The following TRARG1 variants were observed in gnomAD, a reference collection of about 807,000 sequenced individuals.
The protein encoded by TRARG1 is trafficking regulator of GLUT4 1.
A neutral mutation model predicts 13.3 loss-of-function variants in TRARG1; 16 were observed. The observed-to-expected ratio is 1.20, with a 90% CI of 0.81 to 1.83. The LOEUF is 1.83. Ranked by LOEUF, TRARG1 falls within the 40% of genes most tolerant of loss-of-function variation. The pLI, the probability that TRARG1 is intolerant of heterozygous loss-of-function variation, is 0.00. For missense variants in TRARG1, 250 were observed against 237.4 expected, an observed-to-expected ratio of 1.05 and a Z score of -0.35; for synonymous variants, 113 against 106.2, an observed-to-expected ratio of 1.06 and a Z score of -0.39.
intron 1 of TRARG1, 98 bp downstream of exon 1, chr17:1,280,486 A>T (rs2071965685): frequency 3.1e-5 from 41 of 1,301,730 alleles, no homozygotes; most frequent in Non-Finnish European, 4.2e-5. Flanking sequence ...GGTGTGGAGA[A>T]GAGAGAGCTG....
At chr17:1,283,492 T>A (rs2071998324) in intron 1 of TRARG1, among the ~76,000 whole-genome samples, 1 of 152,142 alleles carries the variant, frequency 6.6e-6, no homozygotes, top group Non-Finnish European at 1.5e-5. Context: ...ATTTGGAACA[T>A]TTGCCTCATC....
intron 1 of TRARG1, among the ~76,000 whole-genome samples, chr17:1,289,486 G>A (rs1344774551): frequency 6.9e-6 from 1 of 144,232 alleles, no homozygotes; most frequent in Non-Finnish European, 1.5e-5. Context: ...CCAAGGGTAA[G>A]CATGACCAGC....
At chr17:1,287,502 A>C (rs12449725) in intron 1 of TRARG1, among the ~76,000 whole-genome samples, 48 of 151,670 alleles carry the variant, frequency 3.2e-4, no homozygotes, top group African/African-American at 1.1e-3. Context: ...CTGGGACTAC[A>C]GGGGCCCACT....
intron 1 of TRARG1, 77 bp downstream of exon 1, chr17:1,280,465 A>C: frequency 1.4e-6 from 2 of 1,407,878 alleles, no homozygotes; most frequent in Non-Finnish European, 1.9e-6. Flanking sequence ...CAGGCACCAA[A>C]CACTGCCCAG....
rs373380565 is a variant in TRARG1 at position 1,300,752 on chromosome 17, G to A, written c.*2488G>A. ...CCTGGACGGAGGGTCCCCACAGCCC[G>A]TGCCCCACGCCGCCTGGAGGCCAGA... On this transcript the variant is annotated 3_prime_UTR_variant, in exon 3 of 3. Coordinates refer to ENST00000333813, the MANE Select transcript of TRARG1 (RefSeq NM_172367.3). 1.1e-3 allele frequency: 163 copies of A among 152,540 alleles called. 1 individual carries two copies. The highest frequency in any genetic ancestry group is 1.6e-3 in the Non-Finnish European group (107 of 68,196). 9.4% of individuals were successfully genotyped at this position (152,540 alleles called of 1,614,324 possible). A position where few individuals can be genotyped will look rare whatever the true frequency, so the allele number is the denominator to read the frequency against.
At chr17:1,288,118 C>T (rs1289340068) in intron 1 of TRARG1, among the ~76,000 whole-genome samples, 5 of 151,984 alleles carry the variant, frequency 3.3e-5, no homozygotes, top group African/African-American at 7.3e-5. Context: ...CTTCCTCTCC[C>T]GTCTGGAAGA....
At chr17:1,297,107 T>C (rs1264492874) in intron 2 of TRARG1, among the ~76,000 whole-genome samples, 1 of 152,162 alleles carries the variant, frequency 6.6e-6, no homozygotes, top group Non-Finnish European at 1.5e-5. Flanking sequence ...CAATGAACCC[T>C]AAGCTTTTCC....
chr17:1,289,851 C>T (rs1041283698), intron 1 of TRARG1, among the ~76,000 whole-genome samples: 8 of 152,132 alleles, frequency 5.3e-5, no homozygotes, highest in African/African-American at 1.2e-4. Flanking sequence ...AAACACTGCA[C>T]GGCCCTCTTC....
intron 1 of TRARG1, among the ~76,000 whole-genome samples, chr17:1,284,486 G>A (rs886211053): frequency 6.6e-6 from 1 of 152,204 alleles, no homozygotes; most frequent in Non-Finnish European, 1.5e-5. Flanking sequence ...GACCCTCGTA[G>A]GAATGCAGGC....
At position 1,279,934 on chromosome 17, in the gene TRARG1, C is replaced by T. The variant is rs1311243523; in HGVS notation, c.-68C>T. On this transcript the variant is annotated 5_prime_UTR_variant, in exon 1 of 3. Transcript: ENST00000333813. The stretch of plus-strand genomic sequence containing the variant: ...GCCCTCAGTCTGGGCTGGGGAATGG[C>T]GCGCTGAGGTCCCTCCAGAGCCCCT... The T allele has an allele frequency of 1.1e-5, 17 of 1,519,520 alleles. No homozygotes were observed. The highest frequency in any genetic ancestry group is 1.4e-5 in the Non-Finnish European group (16 of 1,131,542). The allele number at this position is 1,519,520 out of a possible 1,614,324, so 94.1% of individuals were successfully genotyped here.
chr17:1,295,124 G>A lies in TRARG1; in HGVS notation c.388-367G>A, dbSNP rs184245239. Reference sequence around the variant, plus strand: ...AGAATTGAGGCTTGCGCTGGGGTCCGGGGGCACCTGGCCTGTCTGTTCTTG... The same window carrying A: ...AGAATTGAGGCTTGCGCTGGGGTCCAGGGGCACCTGGCCTGTCTGTTCTTG... On this transcript the variant is annotated intron_variant, in intron 1 of 2. Coordinates refer to ENST00000333813, the MANE Select transcript of TRARG1 (RefSeq NM_172367.3). Among the ~76,000 whole-genome samples the A allele has an allele frequency of 5.9e-5, 9 of 152,286 alleles. No individual in the cohort carries two copies. The East Asian group carries it at 9.7e-4, about 16-fold the overall frequency.
intron 1 of TRARG1, among the ~76,000 whole-genome samples, chr17:1,293,262 C>A (rs1405327745): frequency 8.5e-4 from 111 of 130,574 alleles, no homozygotes; most frequent in Non-Finnish European, 1.4e-3. Context: ...CCAGCCTGGG[C>A]GACAGAGCAA....
intron 1 of TRARG1, among the ~76,000 whole-genome samples, chr17:1,284,743 C>G (rs893063387): frequency 2.0e-5 from 3 of 152,022 alleles, no homozygotes; most frequent in Admixed American, 6.6e-5. Context: ...TGCAGTGGCG[C>G]AATCTCAACT....
intron 1 of TRARG1, among the ~76,000 whole-genome samples, chr17:1,292,864 G>C (rs1373704133): frequency 6.6e-6 from 1 of 152,182 alleles, no homozygotes; most frequent in Non-Finnish European, 1.5e-5. Flanking sequence ...GTGGGCACAG[G>C]AGCCGGGATG....
rs944769941 is a variant in TRARG1 at position 1,298,537 on chromosome 17, C to T, written c.*273C>T. 4.9e-6 allele frequency: 2 copies of T among 409,536 alleles called. No homozygotes were observed. The highest frequency in any genetic ancestry group is 4.1e-5 in the African/African-American group (2 of 49,318). 25.4% of individuals were successfully genotyped at this position (409,536 alleles called of 1,614,324 possible). On this transcript the variant is annotated 3_prime_UTR_variant, in exon 3 of 3. Transcript: ENST00000333813. ...TGGGATCTCAACCCCAGCAGTCTGGCTTGTTTCTCATTCCCACAATTTCCT... is the reference window on the plus strand; with the variant it reads ...TGGGATCTCAACCCCAGCAGTCTGGTTTGTTTCTCATTCCCACAATTTCCT...
At chr17:1,288,380 T>TGGGTTCCCCATCCCCCAC (rs1567930604) in intron 1 of TRARG1, among the ~76,000 whole-genome samples, 8 of 31,992 alleles carry the variant, frequency 2.5e-4, no homozygotes, top group Middle Eastern at 0.028. Flanking sequence ...CCATCCCCCA[T>TGGGTTCCCCATCCCCCAC]GGGCTCCTCA....
chr17:1,282,807 A>T (rs369622413), intron 1 of TRARG1, among the ~76,000 whole-genome samples: 1 of 151,982 alleles, frequency 6.6e-6, no homozygotes, highest in African/African-American at 2.4e-5. Context: ...CTCCTGCCTC[A>T]GCCTCCCAAG....
At chr17:1,280,784 CG>C (rs2071967514) in intron 1 of TRARG1, among the ~76,000 whole-genome samples, 3 of 152,280 alleles carry the variant, frequency 2.0e-5, no homozygotes, top group Admixed American at 2.0e-4. Context: ...GAGGTTGCAC[CG>C]GACGGGGGTC....
Position 1,299,082 on chromosome 17 carries a change from C to A in TRARG1, c.*818C>A, listed in dbSNP as rs1229183050. On this transcript the variant is annotated 3_prime_UTR_variant, in exon 3 of 3. Transcript: ENST00000333813. The stretch of plus-strand genomic sequence containing the variant: ...CTTCTGCTGTAGCCTGGGACCAGAC[C>A]TGGCCAAGGTCAGCCAGCGGGGAGG... The A allele has an allele frequency of 6.6e-6, 1 of 152,388 alleles. No homozygotes were observed. Among genetic ancestry groups the A allele is most frequent in the Admixed American group, 6.5e-5 (1 of 15,292 alleles). The allele number at this position is 152,388 out of a possible 1,614,324, so 9.4% of individuals were successfully genotyped here.
Sources: gnomAD v4.1 joint callset for allele counts (sites outside exome capture counted in the v4.1 genomes callset) on GRCh38, gnomAD v4.1.1 for gene constraint, MANE v1.5 for transcripts, NCBI Gene and HGNC (gene_info 2026-07-23, HGNC 2026-07-21) for gene names.